PDXDC1: variants seen among roughly 807,000 people sequenced by gnomAD.
PDXDC1 encodes pyridoxal dependent decarboxylase domain containing 1, also known as pyridoxal-dependent decarboxylase domain-containing protein 1.
In PDXDC1, 42 loss-of-function variants were observed where a neutral mutation model predicts 100.1. The observed-to-expected ratio is 0.42, with a 90% CI of 0.33 to 0.54. The LOEUF (loss-of-function observed/expected upper bound fraction) is 0.54. Ranked by LOEUF, PDXDC1 falls within the 20% of genes least tolerant of loss-of-function variation. The probability of loss-of-function intolerance (pLI) is 0.10; values close to 1 mark genes in which losing one functional copy is unlikely to be tolerated. For synonymous variants in PDXDC1, 260 were observed against 371.7 expected, an observed-to-expected ratio of 0.70 and a Z score of 3.46; for missense variants, 636 against 979.2, an observed-to-expected ratio of 0.65 and a Z score of 4.68.
At chr16:15,094,693 C>A (rs1333679835) in intron 16 of PDXDC1, 1 of 183,770 alleles carries the variant, frequency 5.4e-6, no homozygotes, top group Non-Finnish European at 1.1e-5. Context: ...GTGCAGCAGT[C>A]TCACAGACAC....
Position 15,111,963 on chromosome 16 carries a change from T to C in PDXDC1, c.1400-26916T>C, listed in dbSNP as rs549474676. Among the ~76,000 whole-genome samples the C allele has an allele frequency of 2.1e-3, 314 of 148,164 alleles. 13 individuals are homozygous for C. Among genetic ancestry groups the C allele is most frequent in the Middle Eastern group, 0.01 (3 of 292 alleles). On this transcript the variant is annotated intron_variant, in intron 16 of 16. Transcript: ENST00000535621. Reference sequence around the variant, plus strand: ...TTTCACCCCCTGCTCCTTCCTGATCTGCACTGGAGCATCTTTCTTCTGTCC... The same window carrying C: ...TTTCACCCCCTGCTCCTTCCTGATCCGCACTGGAGCATCTTTCTTCTGTCC...
chr16:15,033,066 G>T (rs939926428), intron 18 of PDXDC1, 87 bp downstream of exon 18: 2 of 1,011,202 alleles, frequency 2.0e-6, no homozygotes, highest in Non-Finnish European at 3.1e-6. Context: ...CCCTTAGCGG[G>T]CTAGCGCCTC....
At chr16:14,998,131 T>C (rs1489348109) in intron 2 of PDXDC1, among the ~76,000 whole-genome samples, 2 of 152,278 alleles carry the variant, frequency 1.3e-5, no homozygotes, top group Non-Finnish European at 2.9e-5. Flanking sequence ...AAACAAGAAG[T>C]GGGTGGAACT....
intron 4 of PDXDC1, among the ~76,000 whole-genome samples, chr16:15,002,208 T>C (rs567089754): frequency 1.2e-4 from 19 of 152,412 alleles, no homozygotes; most frequent in African/African-American, 4.6e-4. Flanking sequence ...TCAATTATTT[T>C]AAATTTAATG....
At chr16:15,000,608 A>G (rs1203526147) in intron 3 of PDXDC1, among the ~76,000 whole-genome samples, 2 of 152,414 alleles carry the variant, frequency 1.3e-5, no homozygotes, top group African/African-American at 2.4e-5. Context: ...TTGCCTTGCC[A>G]TTGCTTGCTA....
the PDXDC1 span, among the ~76,000 whole-genome samples, chr16:15,146,259 G>C: frequency 6.6e-6 from 1 of 152,098 alleles, no homozygotes; most frequent in African/African-American, 2.4e-5. Context: ...GGGACGTCGA[G>C]GCTCAAGCTT....
rs1367723936 is a variant in PDXDC1, at chr16:15,135,544, C to A, written c.1400-3335C>A. 3.3e-5 allele frequency: 34 copies of A among 1,020,260 alleles called. No individual in the cohort carries two copies. In the East Asian group the frequency reaches 7.4e-4, roughly 22 times the overall value. The allele number at this position is 1,020,260 out of a possible 1,614,324, so 63.2% of individuals were successfully genotyped here. A position where few individuals can be genotyped will look rare whatever the true frequency, so the allele number is the denominator to read the frequency against. On this transcript the variant is annotated intron_variant, in intron 16 of 16. Transcript: ENST00000535621. ...CCTCCCCATGCTGGGACGGGGCCCA[C>A]CAGGCACTGAGGACGGGCCAGCCCT...
intron 17 of PDXDC1, chr16:15,032,144 G>A (rs2043105910): frequency 1.8e-6 from 1 of 554,424 alleles, no homozygotes; most frequent in Non-Finnish European, 3.2e-6. Context: ...CCGACTCTCA[G>A]CTACCTAGGA....
chr16:15,054,828 C>T (rs562537490), intron 16 of PDXDC1, among the ~76,000 whole-genome samples: 1 of 152,224 alleles, frequency 6.6e-6, no homozygotes, highest in African/African-American at 2.4e-5. Context: ...GGCGACAGAC[C>T]AATAGAGAAC....
chr16:15,135,280 C>T (rs943544144), intron 16 of PDXDC1: 25 of 1,350,066 alleles, frequency 1.9e-5, no homozygotes, highest in East Asian at 1.7e-4. Context: ...CGGCACCCAC[C>T]GTCTGGTTGG....
intron 16 of PDXDC1, chr16:15,055,924 G>C: frequency 6.5e-6 from 8 of 1,232,484 alleles, no homozygotes; most frequent in Non-Finnish European, 8.1e-6. Context: ...CGAGGTCCCC[G>C]GCTGACTGCG....
At chr16:15,033,220 C>G in intron 18 of PDXDC1, 58 bp from the exon 19 acceptor site, 1 of 1,596,342 alleles carries the variant, frequency 6.3e-7, no homozygotes, top group Non-Finnish European at 8.6e-7. Flanking sequence ...AGAGTAGGTC[C>G]ACGTCTCACC....
intron 15 of PDXDC1, chr16:15,029,678 G>C: frequency 1.8e-6 from 1 of 542,978 alleles, no homozygotes; most frequent in Non-Finnish European, 3.2e-6. Context: ...GTCAGCAGTG[G>C]GTGTCGCTTA....
Position 15,126,036 on chromosome 16 carries a change from T to A in PDXDC1, c.1400-12843T>A. On this transcript the variant is annotated intron_variant, in intron 16 of 16. Transcript: ENST00000535621. ...GCAGCTAAGGAACAGAGTTTTCAAT[T>A]TCATTTTTTTTTTTCTTAGATGGAG... 5.1e-6 allele frequency: 3 copies of A among 587,718 alleles called. No individual in the cohort carries two copies. The South Asian group carries it at 6.1e-5, about 12-fold the overall frequency. The allele number at this position is 587,718 out of a possible 1,614,324, so 36.4% of individuals were successfully genotyped here.
At chr16:15,052,260 A>AGTTTTAATTTCAATACCATTTCCCAT (rs1218528395) in intron 16 of PDXDC1, among the ~76,000 whole-genome samples, 3 of 152,218 alleles carry the variant, frequency 2.0e-5, no homozygotes, top group African/African-American at 7.2e-5. Context: ...GTGACACCGA[A>AGTTTTAATTTCAATACCATTTCCCAT]GTTTTAATTT....
At chr16:14,984,456 TGTGTG>T (rs1968806417) in intron 1 of PDXDC1, among the ~76,000 whole-genome samples, 1 of 138,338 alleles carries the variant, frequency 7.2e-6, no homozygotes, top group Non-Finnish European at 1.5e-5. Context: ...AGAGAGAGAG[TGTGTG>T]TGTGTGTGTG....
intron 4 of PDXDC1, among the ~76,000 whole-genome samples, chr16:15,002,427 A>G (rs1356493109): frequency 2.6e-5 from 4 of 152,300 alleles, no homozygotes; most frequent in African/African-American, 9.6e-5. Flanking sequence ...CTAATACATA[A>G]TTACTATGCA....
At position 15,036,136 on chromosome 16, in the gene PDXDC1, C is replaced by G; in HGVS notation, c.2228C>G (p.Thr743Ser). ...CTATCCAGTGGGCCGGAGCAGATCA[C>G]CCTCGAGGCCAGCAGCACTGAGGGA... ...ERLSSGPEQI[T>S]LEASSTEGHP... is the part of the protein sequence containing the mutation. Residue 743 changes from threonine to serine, a missense_variant, in exon 23 of 23, where the codon ACC becomes AGC. By Grantham distance (58) the Thr-to-Ser change is moderately conservative. Transcript: ENST00000396410. The G allele has an allele frequency of 6.2e-7, 1 of 1,614,114 alleles. No individual in the cohort carries two copies. The highest frequency in any genetic ancestry group is 8.5e-7 in the Non-Finnish European group (1 of 1,180,020).
At chr16:15,131,513 T>G in intron 16 of PDXDC1, 1 of 1,608,832 alleles carries the variant, frequency 6.2e-7, no homozygotes, top group Non-Finnish European at 8.5e-7. Context: ...TCCGAGCGCT[T>G]GCCCTGGGCC....
Sources: allele counts gnomAD v4.1 joint callset (sites outside exome capture counted in the v4.1 genomes callset), GRCh38; gene constraint gnomAD v4.1.1; transcripts MANE v1.5; gene names NCBI Gene and HGNC (gene_info 2026-07-23, HGNC 2026-07-21).